Variants in UGT2B17 observed in about 807,000 individuals in gnomAD.
UGT2B17 encodes the protein UDP-glucuronosyltransferase 2B17.
In UGT2B17, 21 loss-of-function variants were observed where a neutral mutation model predicts 48.2. The ratio of observed to expected loss-of-function variants is 0.44; its 90% CI spans 0.31 to 0.63. The LOEUF is 0.63. Ranked by LOEUF, UGT2B17 falls within the 20% of genes least tolerant of loss-of-function variation. The pLI is 0.08. For missense variants in UGT2B17, 402 were observed against 696.1 expected (o/e 0.58, Z 4.75); for synonymous variants, 146 against 238.4 (o/e 0.61, Z 3.57).
rs1731088433 is a variant in UGT2B17, at chr4:68,560,729, G to A, written c.874-61C>T. On this transcript the variant is annotated intron_variant, in intron 3 of 6. Coordinates refer to ENST00000317746, the MANE Select transcript of UGT2B17 (RefSeq NM_001077.4). Reference sequence around the variant, plus strand: ...AACAGCACAGAAAACACTGTTGACAGGATTGTTACAAACATCTAAGATGAG... The same window carrying A: ...AACAGCACAGAAAACACTGTTGACAAGATTGTTACAAACATCTAAGATGAG... 5 of 1,082,054 alleles carry A rather than the reference G, an allele frequency of 4.6e-6. 2 individuals are homozygous for A. Among genetic ancestry groups the A allele is most frequent in the East Asian group, 2.2e-4 (2 of 9,264 alleles). 67.0% of individuals were successfully genotyped at this position (1,082,054 alleles called of 1,614,324 possible).
chr4:68,541,014 A>T (rs115885768), intron 6 of UGT2B17, among the ~76,000 whole-genome samples: 2,032 of 125,832 alleles, frequency 0.016, 500 homozygotes, highest in Middle Eastern at 0.036. Context: ...GCCATACTGT[A>T]CATGCATCAT....
At chr4:68,553,746 T>C (rs1283857208) in intron 4 of UGT2B17, among the ~76,000 whole-genome samples, 1 of 124,378 alleles carries the variant, frequency 8.0e-6, no homozygotes, top group African/African-American at 2.7e-5. Context: ...ATCCTAATTC[T>C]AGTTTGGAGA....
rs1481291177 is a variant in UGT2B17 at position 68,549,399 on chromosome 4, G to A, written c.1313+1278C>T. Among the ~76,000 whole-genome samples the A allele has an allele frequency of 4.9e-5, 6 of 121,534 alleles. 1 individual carries two copies. The highest frequency in any genetic ancestry group is 1.7e-4 in the Admixed American group (2 of 11,644). 79.7% of individuals were successfully genotyped at this position (121,534 alleles called of 152,430 possible). ...TAGTGGAAGAAAATATATGAAAATC[G>A]TATATTTGATAAGGGATAGTATCTA... On this transcript the variant is annotated intron_variant, in intron 6 of 6. Transcript: ENST00000317746.
At chr4:68,550,966 A>G in intron 5 of UGT2B17, 70 bp from the exon 6 acceptor site, 1 of 1,180,446 alleles carries the variant, frequency 8.5e-7, no homozygotes, top group Non-Finnish European at 1.1e-6. Context: ...AATGCACAAT[A>G]TAAGGAACTT....
intron 3 of UGT2B17, among the ~76,000 whole-genome samples, chr4:68,564,377 C>G (rs1731160021): frequency 1.7e-5 from 2 of 116,930 alleles, no homozygotes; most frequent in African/African-American, 5.9e-5. Flanking sequence ...CAACCTCTGC[C>G]TCCCGCGTTC....
At position 68,556,112 on chromosome 4, in the gene UGT2B17, A is replaced by G. The variant is rs1027976516; in HGVS notation, c.1006-4201T>C. Among the ~76,000 whole-genome samples, 4 of 123,850 alleles carry G rather than the reference A, an allele frequency of 3.2e-5. 1 individual carries two copies. The highest frequency in any genetic ancestry group is 6.8e-5 in the Non-Finnish European group (4 of 58,560). The allele number at this position is 123,850 out of a possible 152,430, so 81.3% of individuals were successfully genotyped here. ...AAGTCACAATAAGAAGATTAAAAAA[A>G]CTTTTATATGATCAAGTTGTCTATA... On this transcript the variant is annotated intron_variant, in intron 4 of 6. Coordinates refer to ENST00000317746, the MANE Select transcript of UGT2B17 (RefSeq NM_001077.4).
At chr4:68,562,758 G>A (rs1731127414) in intron 3 of UGT2B17, among the ~76,000 whole-genome samples, 1 of 125,430 alleles carries the variant, frequency 8.0e-6, no homozygotes, top group Non-Finnish European at 1.7e-5. Context: ...ATTTCATTAT[G>A]GTTTTAATTC....
In UGT2B17 at chr4:68,537,805, A is replaced by T; in HGVS notation, c.1413T>A (p.His471Gln). The T allele has an allele frequency of 1.4e-6, 2 of 1,379,940 alleles. No homozygotes were observed. Among genetic ancestry groups the T allele is most frequent in the Admixed American group, 2.0e-5 (1 of 50,628 alleles). The allele number at this position is 1,379,940 out of a possible 1,614,324, so 85.5% of individuals were successfully genotyped here. Residue 471 changes from histidine to glutamine, a missense_variant, in exon 7 of 7, where the codon CAT (histidine) becomes CAA (glutamine). Physicochemically the swap from His to Gln is conservative, Grantham distance 24. Transcript: ENST00000317746. The stretch of plus-strand genomic sequence containing the variant: ...CGACCCGAAGGTGCTTGGCTCCTTT[A>T]TGGCGCATGACAAACTCAATCCAGA... Reference protein sequence around the residue: ...AVFWIEFVMRHKGAKHLRVAA... With the variant: ...AVFWIEFVMRQKGAKHLRVAA...
intron 3 of UGT2B17, among the ~76,000 whole-genome samples, chr4:68,563,963 A>C (rs1455308463): frequency 8.0e-6 from 1 of 125,482 alleles, no homozygotes; most frequent in Non-Finnish European, 1.7e-5. Flanking sequence ...TAAAATAATA[A>C]TCATAATATC....
chr4:68,563,057 AT>A lies in UGT2B17; in HGVS notation c.874-2390del, dbSNP rs1409733495. 1.6e-5 allele frequency among the ~76,000 whole-genome samples: 2 copies of A among 127,128 alleles called. 1 individual carries two copies. The highest frequency in any genetic ancestry group is 5.4e-5 in the African/African-American group (2 of 37,198). The allele number at this position is 127,128 out of a possible 152,430, so 83.4% of individuals were successfully genotyped here. ...AACGAATATTTGCTACTAATATTGA[AT>A]CTTACCATCATGATTTATTCTCTGT... On this transcript the variant is annotated intron_variant, in intron 3 of 6. Coordinates refer to ENST00000317746, the MANE Select transcript of UGT2B17 (RefSeq NM_001077.4).
rs1470024123 is a variant in UGT2B17, at chr4:68,550,213, A to G, written c.1313+464T>C. Among the ~76,000 whole-genome samples, 2 of 124,900 alleles carry G rather than the reference A, an allele frequency of 1.6e-5. 1 individual carries two copies. Among genetic ancestry groups the G allele is most frequent in the Admixed American group, 1.7e-4 (2 of 12,082 alleles). 81.9% of individuals were successfully genotyped at this position (124,900 alleles called of 152,430 possible). A position where few individuals can be genotyped will look rare whatever the true frequency, so the allele number is the denominator to read the frequency against. ...GGCTTCGTAACTATGTAAACATACT[A>G]AATATATTTAGATTTTAAATTTTAG... On this transcript the variant is annotated intron_variant, in intron 6 of 6. Coordinates refer to ENST00000317746, the MANE Select transcript of UGT2B17 (RefSeq NM_001077.4).
rs562650410 is a variant in UGT2B17 at position 68,551,548 on chromosome 4, T to A, written c.1093+276A>T. ...AGTTGCAGAAATAAGAGACAGAAAA[T>A]CCAGGATGTTATTTAAAACCTGTGA... On this transcript the variant is annotated intron_variant, in intron 5 of 6. Coordinates refer to ENST00000317746, the MANE Select transcript of UGT2B17 (RefSeq NM_001077.4). 9.7e-4 allele frequency among the ~76,000 whole-genome samples: 121 copies of A among 124,606 alleles called. 19 individuals carry two copies. The highest frequency in any genetic ancestry group is 3.2e-3 in the African/African-American group (117 of 36,724). 81.7% of individuals were successfully genotyped at this position (124,606 alleles called of 152,430 possible).
At position 68,538,046 on chromosome 4, in the gene UGT2B17, A is replaced by C. The variant is rs146998048; in HGVS notation, c.1314-142T>G. ...AATTGACATAAAATATTAATGTTTT[A>C]ATGTATGTCATTACAGAAAGTTTGG... On this transcript the variant is annotated intron_variant, in intron 6 of 6. Transcript: ENST00000317746. The C allele has an allele frequency of 7.3e-4, 464 of 636,330 alleles. 78 individuals are homozygous for C. In the African/African-American group the frequency reaches 8.2e-3, roughly 11 times the overall value. The allele number at this position is 636,330 out of a possible 1,614,324, so 39.4% of individuals were successfully genotyped here. A position where few individuals can be genotyped will look rare whatever the true frequency, so the allele number is the denominator to read the frequency against.
Position 68,537,571 on chromosome 4 carries a change from G to A in UGT2B17, c.*54C>T, listed in dbSNP as rs148184203. 9 of 1,258,184 alleles carry A rather than the reference G, an allele frequency of 7.2e-6. 4 individuals are homozygous for A. Among genetic ancestry groups the A allele is most frequent in the Non-Finnish European group, 9.2e-6 (9 of 980,062 alleles). 77.9% of individuals were successfully genotyped at this position (1,258,184 alleles called of 1,614,324 possible). A position where few individuals can be genotyped will look rare whatever the true frequency, so the allele number is the denominator to read the frequency against. On this transcript the variant is annotated 3_prime_UTR_variant, in exon 7 of 7. Coordinates refer to ENST00000317746, the MANE Select transcript of UGT2B17 (RefSeq NM_001077.4). ...CCTCCATTTAAAACCCTCCATGCTG[G>A]AATAAAGGAGGAGTCCCATCTTTTG... is the stretch of plus-strand genomic sequence containing the variant.
chr4:68,559,559 C>T lies in UGT2B17; in HGVS notation c.1005+978G>A, dbSNP rs564303601. On this transcript the variant is annotated intron_variant, in intron 4 of 6. Transcript: ENST00000317746. The stretch of plus-strand genomic sequence containing the variant: ...TCTTTATAAACTGGAGTAGAATTTA[C>T]AAGTGTTGTCCTTGTATTTGATATG... 6.3e-5 allele frequency among the ~76,000 whole-genome samples: 8 copies of T among 126,168 alleles called. 1 individual carries two copies. The highest frequency in any genetic ancestry group is 2.2e-4 in the African/African-American group (8 of 37,024). 82.8% of individuals were successfully genotyped at this position (126,168 alleles called of 152,430 possible). A position where few individuals can be genotyped will look rare whatever the true frequency, so the allele number is the denominator to read the frequency against.
In UGT2B17 at chr4:68,572,304, C is replaced by T. The variant is rs1286830886; in HGVS notation, c.-65+3647G>A. Among the ~76,000 whole-genome samples, 3 of 125,978 alleles carry T rather than the reference C, an allele frequency of 2.4e-5. 1 individual carries two copies. Among genetic ancestry groups the T allele is most frequent in the African/African-American group, 8.2e-5 (3 of 36,740 alleles). 82.6% of individuals were successfully genotyped at this position (125,978 alleles called of 152,430 possible). On this transcript the variant is annotated intron_variant, in intron 1 of 6. Transcript: ENST00000317746. ...TTTTTCGGTTCTACCTATTACCTTACTTGTGTCACATAGAAAAGGAGCAGT... is the reference window on the plus strand; with the variant it reads ...TTTTTCGGTTCTACCTATTACCTTATTTGTGTCACATAGAAAAGGAGCAGT...
chr4:68,543,485 A>G (rs1322263326), intron 6 of UGT2B17, among the ~76,000 whole-genome samples: 2 of 125,228 alleles, frequency 1.6e-5, no homozygotes, highest in Non-Finnish European at 1.7e-5. Flanking sequence ...AAGATGGGGG[A>G]AAAAAGAGCA....
chr4:68,543,558 C>G (rs1379233974), intron 6 of UGT2B17, among the ~76,000 whole-genome samples: 1 of 125,730 alleles, frequency 8.0e-6, no homozygotes, highest in African/African-American at 2.7e-5. Flanking sequence ...AGCTCCTCAC[C>G]AGCAATGGAA....
At chr4:68,565,226 T>G (rs1230780833) in intron 3 of UGT2B17, among the ~76,000 whole-genome samples, 1 of 126,338 alleles carries the variant, frequency 7.9e-6, no homozygotes, top group Non-Finnish European at 1.7e-5. Context: ...GCAGAAACTG[T>G]GCTACCTTTA....
Sources: allele counts gnomAD v4.1 joint callset (sites outside exome capture counted in the v4.1 genomes callset), GRCh38; gene constraint gnomAD v4.1.1; transcripts MANE v1.5; gene names NCBI Gene and HGNC (gene_info 2026-07-23, HGNC 2026-07-21).